Variants in CNTN5 observed in about 807,000 individuals in gnomAD.
The protein encoded by CNTN5 is contactin 5, also known as contactin-5.
A neutral mutation model predicts 129.1 loss-of-function variants in CNTN5; 77 were observed. The observed-to-expected ratio is 0.60, with a 90% CI of 0.50 to 0.72. CNTN5 has a LOEUF of 0.72. CNTN5 is among the 30% of genes least tolerant of loss of function. The pLI is 0.00. For synonymous variants in CNTN5, 509 were observed against 465.6 expected, an observed-to-expected ratio of 1.09 and a Z score of -1.20; for missense variants, 1,478 against 1,328.8, an observed-to-expected ratio of 1.11 and a Z score of -1.75.
chr11:100,242,433 C>T (rs1195855921), intron 16 of CNTN5, among the ~76,000 whole-genome samples: 1 of 152,140 alleles, frequency 6.6e-6, no homozygotes, highest in Non-Finnish European at 1.5e-5. Context: ...ATCTTGTTTA[C>T]TACCTTAACC....
At chr11:99,813,973 T>TC (rs1946506777) in intron 3 of CNTN5, among the ~76,000 whole-genome samples, 1 of 152,072 alleles carries the variant, frequency 6.6e-6, no homozygotes, top group Admixed American at 6.6e-5. Flanking sequence ...ATACAGCACT[T>TC]CTAAGGAGTC....
At chr11:100,127,541 T>C (rs541342303) in intron 13 of CNTN5, among the ~76,000 whole-genome samples, 1 of 152,118 alleles carries the variant, frequency 6.6e-6, no homozygotes, top group African/African-American at 2.4e-5. Context: ...AAGTTCAAGA[T>C]GTATAATTAT....
intron 4 of CNTN5, among the ~76,000 whole-genome samples, chr11:99,828,889 A>T (rs1050308927): frequency 1.3e-5 from 2 of 152,204 alleles, no homozygotes; most frequent in Non-Finnish European, 2.9e-5. Flanking sequence ...TTTGTATAAA[A>T]TATTCCCATA....
intron 3 of CNTN5, among the ~76,000 whole-genome samples, chr11:99,700,688 T>C (rs1954480179): frequency 6.6e-6 from 1 of 151,238 alleles, no homozygotes; most frequent in African/African-American, 2.4e-5. Flanking sequence ...AGAAATACAA[T>C]GAGAAAGAAG....
rs145654338 is a variant in CNTN5, at chr11:99,885,599, C to A, written c.578-30455C>A. 1.4e-3 allele frequency among the ~76,000 whole-genome samples: 207 copies of A among 152,198 alleles called. 1 individual carries two copies. Among genetic ancestry groups the A allele is most frequent in the African/African-American group, 4.8e-3 (201 of 41,550 alleles). On this transcript the variant is annotated intron_variant, in intron 6 of 24. Transcript: ENST00000524871. ...CAGGCAAAAATAATCCTAACAGGAA[C>A]GTTTTAAGATGCAGTAAGAAATGCT...
At chr11:99,155,725 C>A (rs1860303702) in intron 1 of CNTN5, among the ~76,000 whole-genome samples, 1 of 151,094 alleles carries the variant, frequency 6.6e-6, no homozygotes, top group African/African-American at 2.4e-5. Flanking sequence ...ACTTGCCCTA[C>A]AAAGTCACAA....
At chr11:99,919,432 C>A (rs1949878832) in intron 7 of CNTN5, among the ~76,000 whole-genome samples, 1 of 152,142 alleles carries the variant, frequency 6.6e-6, no homozygotes, top group African/African-American at 2.4e-5. Context: ...TCGGCCAATG[C>A]CCTCTTCATT....
At chr11:99,585,776 C>T (rs1949773606) in intron 3 of CNTN5, among the ~76,000 whole-genome samples, 1 of 152,044 alleles carries the variant, frequency 6.6e-6, no homozygotes, top group Non-Finnish European at 1.5e-5. Context: ...GAGAGTTAGT[C>T]ATGTTTGAGA....
chr11:99,577,816 A>G (rs2726374), intron 3 of CNTN5, among the ~76,000 whole-genome samples: 99,859 of 142,844 alleles, frequency 0.7, 37,089 homozygotes, highest in Non-Finnish European at 0.83. Flanking sequence ...ATTCTCAAAG[A>G]TTTTCTTTTA....
intron 2 of CNTN5, among the ~76,000 whole-genome samples, chr11:99,479,498 T>G (rs1415152083): frequency 6.6e-6 from 1 of 152,026 alleles, no homozygotes; most frequent in African/African-American, 2.4e-5. Flanking sequence ...CTAGATAATT[T>G]TTCTTGGGAA....
At chr11:99,507,887 T>C (rs1373764878) in intron 2 of CNTN5, among the ~76,000 whole-genome samples, 1 of 152,224 alleles carries the variant, frequency 6.6e-6, no homozygotes, top group Non-Finnish European at 1.5e-5. Flanking sequence ...TAAATAACTA[T>C]TACATGAGTG....
At chr11:100,000,786 C>T (rs1939815387) in intron 8 of CNTN5, among the ~76,000 whole-genome samples, 2 of 152,170 alleles carry the variant, frequency 1.3e-5, no homozygotes, top group Non-Finnish European at 2.9e-5. Flanking sequence ...AAGAGGTTGC[C>T]AAACCTGAAC....
In CNTN5 at chr11:99,808,608, G is replaced by A. The variant is rs565806785; in HGVS notation, c.56-10936G>A. On this transcript the variant is annotated intron_variant, in intron 3 of 24. Coordinates refer to ENST00000524871, the MANE Select transcript of CNTN5 (RefSeq NM_014361.4). ...AAATTGCCATAGAAAAAAATCACTC[G>A]GGGACTTCAATAACTAACTCACCTT... Among the ~76,000 whole-genome samples, 35 of 152,188 alleles carry A rather than the reference G, an allele frequency of 2.3e-4. 1 individual carries two copies. In the South Asian group the frequency reaches 4.6e-3, roughly 20 times the overall value.
chr11:99,112,797 T>C (rs971649155), intron 1 of CNTN5, among the ~76,000 whole-genome samples: 4 of 152,054 alleles, frequency 2.6e-5, no homozygotes, highest in Non-Finnish European at 5.9e-5. Flanking sequence ...GTTTAGCAGA[T>C]GGTAATCACT....
intron 1 of CNTN5, chr11:99,120,187 A>T (rs897372721): frequency 1.3e-5 from 2 of 152,086 alleles, no homozygotes; most frequent in Non-Finnish European, 2.9e-5. Flanking sequence ...TTTCTCATGA[A>T]ATCTGGGTGT....
chr11:99,891,646 C>G (rs1949062195), intron 6 of CNTN5, among the ~76,000 whole-genome samples: 1 of 152,142 alleles, frequency 6.6e-6, no homozygotes, highest in African/African-American at 2.4e-5. Flanking sequence ...CATGTCCCTG[C>G]AAAGGACATG....
intron 6 of CNTN5, among the ~76,000 whole-genome samples, chr11:99,886,165 G>A (rs1948897328): frequency 6.6e-6 from 1 of 151,742 alleles, no homozygotes. Flanking sequence ...CTTGAACTAG[G>A]GAAAACTAAG....
chr11:99,102,356 C>A (rs1344007270), intron 1 of CNTN5, among the ~76,000 whole-genome samples: 1 of 152,192 alleles, frequency 6.6e-6, no homozygotes, highest in East Asian at 1.9e-4. Flanking sequence ...ATGCAAATTT[C>A]TGCAGCCAGC....
chr11:100,303,417 A>G (rs1951273416), intron 20 of CNTN5, among the ~76,000 whole-genome samples: 1 of 151,652 alleles, frequency 6.6e-6, no homozygotes, highest in African/African-American at 2.4e-5. Context: ...GAAATAATGA[A>G]TACTCAAACA....
Sources: gnomAD v4.1 joint callset for allele counts (sites outside exome capture counted in the v4.1 genomes callset) on GRCh38, gnomAD v4.1.1 for gene constraint, MANE v1.5 for transcripts, NCBI Gene and HGNC (gene_info 2026-07-23, HGNC 2026-07-21) for gene names.